Variants in ATP10A observed in about 807,000 individuals in gnomAD.
The protein encoded by ATP10A is ATPase phospholipid transporting 10A (putative).
ATP10A carries 111 observed loss-of-function variants against 147.8 expected under a neutral mutation model. The observed-to-expected ratio is 0.75, with a 90% CI of 0.64 to 0.88. ATP10A has a LOEUF of 0.88. Ranked by LOEUF, ATP10A falls within the 40% of genes least tolerant of loss-of-function variation. The probability of loss-of-function intolerance (pLI) is 0.00; values close to 1 mark genes in which losing one functional copy is unlikely to be tolerated. For missense variants in ATP10A, 1,927 were observed against 1,959.0 expected (o/e 0.98, Z 0.31); for synonymous variants, 875 against 841.6 (o/e 1.04, Z -0.69).
intron 1 of ATP10A, among the ~76,000 whole-genome samples, chr15:25,845,570 G>A (rs193070592): frequency 1.6e-4 from 24 of 152,210 alleles, no homozygotes; most frequent in African/African-American, 4.3e-4. Flanking sequence ...CAGGGCACCC[G>A]ACCCCACCCA....
intron 2 of ATP10A, among the ~76,000 whole-genome samples, chr15:25,775,504 T>C (rs933108865): frequency 2.6e-5 from 4 of 152,182 alleles, no homozygotes; most frequent in African/African-American, 9.7e-5. Context: ...AGGTACGTGT[T>C]TAAGAGCAGT....
chr15:25,837,449 T>C (rs567943512), intron 1 of ATP10A, among the ~76,000 whole-genome samples: 86 of 152,090 alleles, frequency 5.7e-4, no homozygotes, highest in African/African-American at 2.0e-3. Flanking sequence ...TAACAAACAA[T>C]CTCAAACACA....
chr15:25,717,260 T>C (rs1261298955), intron 8 of ATP10A, among the ~76,000 whole-genome samples: 1 of 152,194 alleles, frequency 6.6e-6, no homozygotes, highest in Non-Finnish European at 1.5e-5. Flanking sequence ...TTTCCAGGCT[T>C]TTAAGAATTA....
intron 1 of ATP10A, among the ~76,000 whole-genome samples, chr15:25,834,657 T>G (rs1160265466): frequency 6.6e-6 from 1 of 152,192 alleles, no homozygotes; most frequent in East Asian, 1.9e-4. Flanking sequence ...ATACACTAAC[T>G]TGTACACAAA....
intron 1 of ATP10A, among the ~76,000 whole-genome samples, chr15:25,861,372 G>A (rs1358613215): frequency 1.3e-5 from 2 of 152,148 alleles, no homozygotes; most frequent in East Asian, 1.9e-4. Flanking sequence ...CCAGTACCAC[G>A]ACCTTGCTGC....
chr15:25,716,369 G>A (rs539892993), intron 9 of ATP10A, among the ~76,000 whole-genome samples: 16 of 152,280 alleles, frequency 1.1e-4, no homozygotes, highest in African/African-American at 3.8e-4. Context: ...CCCAGGCCAG[G>A]CAGCGAAGGA....
intron 1 of ATP10A, chr15:25,862,228 C>T: frequency 2.1e-6 from 1 of 467,090 alleles, no homozygotes; most frequent in East Asian, 6.7e-5. Flanking sequence ...GCTTTACTGT[C>T]CTGTGCCGGC....
At chr15:25,692,266 T>C (rs1900080529) in intron 14 of ATP10A, among the ~76,000 whole-genome samples, 1 of 152,144 alleles carries the variant, frequency 6.6e-6, no homozygotes. Context: ...TGCCACAGTA[T>C]TAGCCATTGT....
intron 12 of ATP10A, among the ~76,000 whole-genome samples, chr15:25,703,774 C>A (rs1900808759): frequency 6.6e-6 from 1 of 152,204 alleles, no homozygotes; most frequent in South Asian, 2.1e-4. Flanking sequence ...CCCCAGAAGA[C>A]CCCCTCAGGG....
chr15:25,678,471 G>T (rs1023701010), downstream of ATP10A: 1 of 152,002 alleles, frequency 6.6e-6, no homozygotes, highest in African/African-American at 2.4e-5. Flanking sequence ...GTTTTAGAGG[G>T]ACAGAACTAA....
At position 25,708,262 on chromosome 15, in the gene ATP10A, T is replaced by G; in HGVS notation, c.2383A>C (p.Lys795Gln). 1 of 1,614,234 alleles carries G rather than the reference T, an allele frequency of 6.2e-7. No individual in the cohort carries two copies. The highest frequency in any genetic ancestry group is 8.5e-7 in the Non-Finnish European group (1 of 1,180,048). Residue 795 changes from lysine (K) to glutamine (Q), a missense_variant, in exon 11 of 21, where the codon AAA becomes CAA. Physicochemically the swap from Lys to Gln is moderately conservative, Grantham distance 53. Coordinates refer to ENST00000555815, the MANE Select transcript of ATP10A (RefSeq NM_024490.4). Reference sequence around the variant, plus strand: ...TACACGTTGAGGTAATTCTGAGTTTTGCTCCGAATCTTTTTTTGATGCCTC... The same window carrying G: ...TACACGTTGAGGTAATTCTGAGTTTGGCTCCGAATCTTTTTTTGATGCCTC... ...RGRHQKKIRS[K>Q]TQNYLNVYAA... is the part of the protein sequence containing the mutation.
At chr15:25,847,411 C>T (rs1016075442) in intron 1 of ATP10A, among the ~76,000 whole-genome samples, 2 of 152,186 alleles carry the variant, frequency 1.3e-5, no homozygotes, top group African/African-American at 4.8e-5. Context: ...TGGTACCATA[C>T]AAATTCATAA....
In ATP10A at chr15:25,736,191, C is replaced by G. The variant is rs543041672; in HGVS notation, c.655-50G>C. The G allele has an allele frequency of 8.5e-6, 13 of 1,526,962 alleles. No homozygotes were observed. The East Asian group carries it at 2.3e-4, about 27-fold the overall frequency. 94.6% of individuals were successfully genotyped at this position (1,526,962 alleles called of 1,614,324 possible). A position where few individuals can be genotyped will look rare whatever the true frequency, so the allele number is the denominator to read the frequency against. On this transcript the variant is annotated intron_variant, in intron 2 of 20. Coordinates refer to ENST00000555815, the MANE Select transcript of ATP10A (RefSeq NM_024490.4). ...AGAGAAATCCGGGCTCAGGCTGCGC[C>G]GTTCTAAAAGGCACTCGCTTTTCTG...
At chr15:25,698,121 A>G (rs1900452378) in intron 13 of ATP10A, among the ~76,000 whole-genome samples, 1 of 152,212 alleles carries the variant, frequency 6.6e-6, no homozygotes, top group Non-Finnish European at 1.5e-5. Flanking sequence ...CTAGGTAAAA[A>G]CTAAGGCAAT....
chr15:25,833,299 TA>T (rs1195400583), intron 1 of ATP10A, among the ~76,000 whole-genome samples: 1 of 152,150 alleles, frequency 6.6e-6, no homozygotes, highest in East Asian at 1.9e-4. Flanking sequence ...TTTTTATTTT[TA>T]TCTTTAATTG....
chr15:25,771,231 T>C (rs1001811597), intron 2 of ATP10A, among the ~76,000 whole-genome samples: 3 of 152,090 alleles, frequency 2.0e-5, no homozygotes, highest in East Asian at 3.9e-4. Flanking sequence ...GGATCACTCA[T>C]GAGGACATTG....
In ATP10A at chr15:25,680,178, C is replaced by T. The variant is rs1348266071; in HGVS notation, c.3809G>A (p.Gly1270Asp). Residue 1270 changes from glycine (G) to aspartate (D), a missense_variant, in exon 20 of 21, where the codon GGT becomes GAT. Gly to Asp is a moderately conservative substitution (Grantham distance 94, BLOSUM62 -1). Transcript: ENST00000555815. ...NPYWTMQALL[G>D]DPVFYLTCLM... Reference sequence around the variant, plus strand: ...GCAAGTCAAGTAAAACACTGGGTCACCCAGTAAGGCTTGCATAGTCCAGTA... The same window carrying T: ...GCAAGTCAAGTAAAACACTGGGTCATCCAGTAAGGCTTGCATAGTCCAGTA... 1 of 1,614,132 alleles carries T rather than the reference C, an allele frequency of 6.2e-7. No homozygotes were observed. The highest frequency in any genetic ancestry group is 2.2e-5 in the East Asian group (1 of 44,868).
At chr15:25,707,844 C>T (rs1901131017) in intron 12 of ATP10A, 132 bp downstream of exon 12, 1 of 1,292,102 alleles carries the variant, frequency 7.7e-7, no homozygotes, top group Non-Finnish European at 1.1e-6. Context: ...TCGGCTGTGC[C>T]AGCGTCCTGC....
chr15:25,675,675 C>T (rs930216513), downstream of ATP10A, among the ~76,000 whole-genome samples: 5 of 152,168 alleles, frequency 3.3e-5, no homozygotes, highest in Non-Finnish European at 7.4e-5. Flanking sequence ...TCAGGCGGCG[C>T]TGGCTTACAC....
Sources: allele counts gnomAD v4.1 joint callset (sites outside exome capture counted in the v4.1 genomes callset), GRCh38; gene constraint gnomAD v4.1.1; transcripts MANE v1.5; gene names NCBI Gene and HGNC (gene_info 2026-07-23, HGNC 2026-07-21).